Variants in ZDHHC2 observed in about 807,000 individuals in gnomAD.
ZDHHC2 encodes palmitoyltransferase ZDHHC2.
Under a neutral mutation model 55.6 loss-of-function variants are expected in ZDHHC2, and 51 were observed. The observed-to-expected ratio is 0.92, with a 90% CI of 0.73 to 1.16. The LOEUF is 1.16. Ranked by LOEUF, ZDHHC2 falls within the 50% of genes most tolerant of loss-of-function variation. The pLI, the probability that ZDHHC2 is intolerant of heterozygous loss-of-function variation, is 0.00. For synonymous variants in ZDHHC2, 199 were observed against 152.9 expected, an observed-to-expected ratio of 1.30 and a Z score of -2.22; for missense variants, 491 against 442.4, an observed-to-expected ratio of 1.11 and a Z score of -0.99.
chr8:17,218,266 A>T (rs890439132), intron 12 of ZDHHC2, among the ~76,000 whole-genome samples: 3 of 152,336 alleles, frequency 2.0e-5, no homozygotes, highest in African/African-American at 4.8e-5. Context: ...TAAATTTCTG[A>T]AAATAATTTT....
intron 1 of ZDHHC2, among the ~76,000 whole-genome samples, chr8:17,182,414 G>A (rs930998663): frequency 6.6e-6 from 1 of 152,116 alleles, no homozygotes; most frequent in Non-Finnish European, 1.5e-5. Flanking sequence ...TTTTATTTAG[G>A]CCTATGATGT....
At chr8:17,213,875 CTG>C (rs1269134145) in intron 10 of ZDHHC2, among the ~76,000 whole-genome samples, 1 of 151,964 alleles carries the variant, frequency 6.6e-6, no homozygotes, top group African/African-American at 2.4e-5. Flanking sequence ...ATATTTAAAC[CTG>C]TGTGGAGATA....
At position 17,210,498 on chromosome 8, in the gene ZDHHC2, T is replaced by G. The variant is rs759570022; in HGVS notation, c.950+18T>G. ...GCTAAAAAGTAATCTCATATTTTTT[T>G]TCATTTTACTTTCAAATAAGATATT... On this transcript the variant is annotated intron_variant, in intron 10 of 12. Transcript: ENST00000262096. 17 of 1,580,204 alleles carry G rather than the reference T, an allele frequency of 1.1e-5. No homozygotes were observed. The Middle Eastern group carries it at 5.0e-4, about 47-fold the overall frequency.
At chr8:17,170,983 C>T (rs900263117) in intron 1 of ZDHHC2, among the ~76,000 whole-genome samples, 1 of 152,138 alleles carries the variant, frequency 6.6e-6, no homozygotes, top group African/African-American at 2.4e-5. Context: ...GGACATAAAT[C>T]CCTAGTTGAC....
chr8:17,173,447 G>A (rs1804966222), intron 1 of ZDHHC2, among the ~76,000 whole-genome samples: 2 of 152,078 alleles, frequency 1.3e-5, no homozygotes, highest in African/African-American at 4.8e-5. Context: ...AGGCTGAGGT[G>A]GGAGAATCAT....
intron 8 of ZDHHC2, 145 bp downstream of exon 8, chr8:17,208,237 G>T (rs1220498076): frequency 4.2e-6 from 3 of 714,506 alleles, no homozygotes; most frequent in Non-Finnish European, 6.2e-6. Flanking sequence ...TTGATATGTC[G>T]CTTAGACACA....
rs1210875048 is a variant in ZDHHC2 at position 17,156,861 on chromosome 8, C to G, written c.130+8C>G. On this transcript the variant is annotated splice_region_variant and intron_variant, in intron 1 of 12. Transcript: ENST00000262096. The stretch of plus-strand genomic sequence containing the variant: ...CCATCCAGCTGTGCATAGGTGAGTG[C>G]GCCCCCCGCCGCGGCGCCCCCAGCG... 2 of 1,488,962 alleles carry G rather than the reference C, an allele frequency of 1.3e-6. No homozygotes were observed. The highest frequency in any genetic ancestry group is 4.5e-5 in the Admixed American group (2 of 44,122). The allele number at this position is 1,488,962 out of a possible 1,614,324, so 92.2% of individuals were successfully genotyped here.
Position 17,223,421 on chromosome 8 carries a change from A to G in ZDHHC2, c.*3200A>G, listed in dbSNP as rs1012416104. On this transcript the variant is annotated 3_prime_UTR_variant, in exon 13 of 13. Transcript: ENST00000262096. ...CATTTAAACAAGTGGATTTTTCACA[A>G]ATAACACGTGTTTAATATCTTTCTG... 5.3e-5 allele frequency: 8 copies of G among 151,944 alleles called. No homozygotes were observed. Among genetic ancestry groups the G allele is most frequent in the Non-Finnish European group, 1.0e-4 (7 of 67,816 alleles). The allele number at this position is 151,944 out of a possible 1,614,324, so 9.4% of individuals were successfully genotyped here.
intron 1 of ZDHHC2, among the ~76,000 whole-genome samples, chr8:17,183,060 C>T (rs1306561954): frequency 1.3e-5 from 2 of 152,216 alleles, no homozygotes; most frequent in African/African-American, 4.8e-5. Context: ...CCGTGCCCAG[C>T]CCCTAACTAT....
intron 4 of ZDHHC2, among the ~76,000 whole-genome samples, chr8:17,197,369 G>T (rs556955130): frequency 6.6e-6 from 1 of 152,248 alleles, no homozygotes; most frequent in South Asian, 2.1e-4. Flanking sequence ...TTCCTTAGGA[G>T]GTTCTCTCTT....
At chr8:17,184,229 A>G (rs961301557) in intron 1 of ZDHHC2, among the ~76,000 whole-genome samples, 6 of 152,198 alleles carry the variant, frequency 3.9e-5, no homozygotes, top group African/African-American at 1.2e-4. Context: ...AATATTTACA[A>G]CAGCCGCTGA....
At chr8:17,190,716 A>T (rs1373580052) in intron 3 of ZDHHC2, among the ~76,000 whole-genome samples, 2 of 152,114 alleles carry the variant, frequency 1.3e-5, no homozygotes, top group Non-Finnish European at 2.9e-5. Context: ...TAGTTAAAAA[A>T]AACTTGTGAG....
rs142553207 is a variant in ZDHHC2 at position 17,209,591 on chromosome 8, C to G, written c.731-341C>G. Among the ~76,000 whole-genome samples the G allele has an allele frequency of 3.3e-5, 5 of 152,182 alleles. No individual in the cohort carries two copies. The East Asian group carries it at 9.7e-4, about 29-fold the overall frequency. Reference sequence around the variant, plus strand: ...AAAATACACGTGTAGATTTGTAGATCTATGTTTATGGATCCATCCATTTAT... The same window carrying G: ...AAAATACACGTGTAGATTTGTAGATGTATGTTTATGGATCCATCCATTTAT... On this transcript the variant is annotated intron_variant, in intron 8 of 12. Coordinates refer to ENST00000262096, the MANE Select transcript of ZDHHC2 (RefSeq NM_016353.5).
At chr8:17,199,086 T>C (rs1461671713) in intron 6 of ZDHHC2, among the ~76,000 whole-genome samples, 1 of 152,206 alleles carries the variant, frequency 6.6e-6, no homozygotes, top group African/African-American at 2.4e-5. Flanking sequence ...TGAGTAATGC[T>C]TATTCTTCAA....
intron 4 of ZDHHC2, 40 bp downstream of exon 4, chr8:17,195,664 TAAC>T (rs964741558): frequency 6.2e-7 from 1 of 1,610,766 alleles, no homozygotes; most frequent in Non-Finnish European, 8.5e-7. Context: ...GGTATGCAAA[TAAC>T]ATCATTAAGG....
chr8:17,178,775 G>T (rs1805281582), intron 1 of ZDHHC2, among the ~76,000 whole-genome samples: 1 of 152,088 alleles, frequency 6.6e-6, no homozygotes, highest in African/African-American at 2.4e-5. Flanking sequence ...TATATTATGG[G>T]TTATTACTTT....
At chr8:17,158,673 C>G (rs531707831) in intron 1 of ZDHHC2, among the ~76,000 whole-genome samples, 1 of 152,276 alleles carries the variant, frequency 6.6e-6, no homozygotes, top group Admixed American at 6.5e-5. Context: ...CCATAAAATC[C>G]GCATCAGTAT....
chr8:17,198,610 A>G (rs1424374000), intron 6 of ZDHHC2, among the ~76,000 whole-genome samples, 197 bp downstream of exon 6: 1 of 152,224 alleles, frequency 6.6e-6, no homozygotes, highest in Non-Finnish European at 1.5e-5. Flanking sequence ...TACTTTTAAA[A>G]CCAGTAGGTT....
At position 17,222,313 on chromosome 8, in the gene ZDHHC2, T is replaced by C. The variant is rs1321513933; in HGVS notation, c.*2092T>C. On this transcript the variant is annotated 3_prime_UTR_variant, in exon 13 of 13. Coordinates refer to ENST00000262096, the MANE Select transcript of ZDHHC2 (RefSeq NM_016353.5). ...GTTATAATCTTTGGAGATGATTGCA[T>C]ATCTCATTAGATATGCAATATAAAT... 1 of 151,828 alleles carries C rather than the reference T, an allele frequency of 6.6e-6. No homozygotes were observed. Among genetic ancestry groups the C allele is most frequent in the Non-Finnish European group, 1.5e-5 (1 of 67,774 alleles). 9.4% of individuals were successfully genotyped at this position (151,828 alleles called of 1,614,324 possible).
Sources: gnomAD v4.1 joint callset for allele counts (sites outside exome capture counted in the v4.1 genomes callset) on GRCh38, gnomAD v4.1.1 for gene constraint, MANE v1.5 for transcripts, NCBI Gene and HGNC (gene_info 2026-07-23, HGNC 2026-07-21) for gene names.